The following ARHGAP8 variants were observed in gnomAD, a reference collection of about 807,000 sequenced individuals.
The protein encoded by ARHGAP8 is rho GTPase-activating protein 8.
Under a neutral mutation model 46.1 loss-of-function variants are expected in ARHGAP8, and 62 were observed. The observed-to-expected ratio is 1.34, with a 90% CI of 1.10 to 1.66. ARHGAP8 has a LOEUF of 1.66. Ranked by LOEUF, ARHGAP8 falls within the 40% of genes most tolerant of loss-of-function variation. ARHGAP8 has a pLI of 0.00. For missense variants in ARHGAP8, 923 were observed against 568.4 expected (o/e 1.62, Z -6.34); for synonymous variants, 375 against 243.1 (o/e 1.54, Z -5.05).
At chr22:44,848,169 C>A in intron 9 of ARHGAP8, 119 bp downstream of exon 9, 1 of 1,406,408 alleles carries the variant, frequency 7.1e-7, no homozygotes, top group Non-Finnish European at 9.6e-7. Context: ...TCCCAGAAAA[C>A]ACTCAGGGTG....
intron 10 of ARHGAP8, 112 bp from the exon 11 acceptor site, chr22:44,859,619 A>C: frequency 1.7e-6 from 2 of 1,166,126 alleles, no homozygotes; most frequent in Non-Finnish European, 2.5e-6. Flanking sequence ...CAAATGTGGG[A>C]TAGTCCATCC....
chr22:44,794,670 A>G (rs1209656762), intron 2 of ARHGAP8, among the ~76,000 whole-genome samples: 1 of 152,142 alleles, frequency 6.6e-6, no homozygotes, highest in Non-Finnish European at 1.5e-5. Flanking sequence ...AGATTGGGCC[A>G]CTGCACTCCA....
At chr22:44,832,661 T>A (rs1931025815) in intron 7 of ARHGAP8, among the ~76,000 whole-genome samples, 1 of 152,212 alleles carries the variant, frequency 6.6e-6, no homozygotes, top group African/African-American at 2.4e-5. Context: ...TGTGTGGATT[T>A]TTTAGAATTT....
chr22:44,852,807 T>G (rs1391398740), intron 10 of ARHGAP8, among the ~76,000 whole-genome samples: 1 of 152,106 alleles, frequency 6.6e-6, no homozygotes, highest in East Asian at 1.9e-4. Flanking sequence ...GTTTTTTGTT[T>G]GTTTGTTTTG....
rs1930444214 is a variant in ARHGAP8, at chr22:44,825,506, T to A, written c.509T>A (p.Leu170Gln). The A allele has an allele frequency of 6.2e-7, 1 of 1,613,430 alleles. No homozygotes were observed. The highest frequency in any genetic ancestry group is 8.5e-7 in the Non-Finnish European group (1 of 1,179,822). The change falls in exon 7 of 12, where the codon CTG becomes CAG. Residue 170 changes from leucine to glutamine, a missense_variant. Coordinates refer to ENST00000356099, the MANE Select transcript of ARHGAP8 (RefSeq NM_181335.3). Reference protein sequence around the residue: ...VLRYDEKLQSLHEGRTPPPTK... With the variant: ...VLRYDEKLQSQHEGRTPPPTK... ...AGGTACGATGAGAAGCTCCAGAGCC[T>A]GCACGAGGGCCGGACGCCGCCTCCC... is the stretch of plus-strand genomic sequence containing the variant.
intron 1 of ARHGAP8, among the ~76,000 whole-genome samples, chr22:44,762,863 G>T (rs538022116): frequency 6.6e-6 from 1 of 151,992 alleles, no homozygotes. Flanking sequence ...TCTCTTGACC[G>T]TACCTGAGTT....
intron 4 of ARHGAP8, among the ~76,000 whole-genome samples, chr22:44,812,784 T>C (rs1929430004): frequency 6.6e-6 from 1 of 152,218 alleles, no homozygotes; most frequent in African/African-American, 2.4e-5. Flanking sequence ...GTTCATATGA[T>C]GGCAGCCAAT....
intron 2 of ARHGAP8, among the ~76,000 whole-genome samples, chr22:44,788,865 A>G (rs1927466953): frequency 6.6e-6 from 1 of 152,228 alleles, no homozygotes; most frequent in Non-Finnish European, 1.5e-5. Context: ...GAGAACTAGT[A>G]CACTTGCCTA....
At chr22:44,833,096 C>CTTTTCTTTTCTTTTCTTTTTTTTTTTT (rs535842585) in intron 7 of ARHGAP8, among the ~76,000 whole-genome samples, 1 of 120,432 alleles carries the variant, frequency 8.3e-6, no homozygotes, top group Non-Finnish European at 1.7e-5. Flanking sequence ...CTTTTCTTTT[C>CTTTTCTTTTCTTTTCTTTTTTTTTTTT]TTTTTTTTTT....
In ARHGAP8 at chr22:44,845,251, T is replaced by C; in HGVS notation, c.597-18T>C. On this transcript the variant is annotated intron_variant, in intron 7 of 11. Transcript: ENST00000356099. ...CAAGCTCAGGTAAAAACTGCGACTT[T>C]CTTTTCTGTTTTCTCAGCCTCAAAG... 1 of 1,614,084 alleles carries C rather than the reference T, an allele frequency of 6.2e-7. No homozygotes were observed. Among genetic ancestry groups the C allele is most frequent in the Non-Finnish European group, 8.5e-7 (1 of 1,179,988 alleles).
intron 1 of ARHGAP8, among the ~76,000 whole-genome samples, chr22:44,767,387 C>A (rs983123377): frequency 2.6e-5 from 4 of 152,074 alleles, no homozygotes; most frequent in Non-Finnish European, 5.9e-5. Flanking sequence ...CTGCAGACCC[C>A]CAGCAGTCCC....
chr22:44,861,691 CCACTGG>C (rs1158177098), intron 11 of ARHGAP8, among the ~76,000 whole-genome samples: 3 of 152,192 alleles, frequency 2.0e-5, no homozygotes, highest in African/African-American at 7.2e-5. Flanking sequence ...TGGCCCCCTG[CCACTGG>C]CTGGCCACAT....
intron 11 of ARHGAP8, 125 bp downstream of exon 11, chr22:44,859,959 C>T (rs996238856): frequency 2.0e-4 from 226 of 1,116,964 alleles, no homozygotes; most frequent in Middle Eastern, 5.3e-4. Context: ...CCTCGGAATA[C>T]CACTCCCTGC....
intron 7 of ARHGAP8, among the ~76,000 whole-genome samples, chr22:44,830,825 C>T (rs571798325): frequency 1.8e-4 from 27 of 152,356 alleles, no homozygotes; most frequent in Admixed American, 1.6e-3. Flanking sequence ...AGGCGTGAGC[C>T]ACCGCGCCTG....
At chr22:44,757,594 A>C (rs1924784831) in intron 1 of ARHGAP8, among the ~76,000 whole-genome samples, 1 of 151,466 alleles carries the variant, frequency 6.6e-6, no homozygotes, top group South Asian at 2.1e-4. Context: ...CTTTCTTTTA[A>C]ATTCCTTCCA....
chr22:44,771,138 T>G (rs1192962759), intron 1 of ARHGAP8, among the ~76,000 whole-genome samples: 1 of 152,212 alleles, frequency 6.6e-6, no homozygotes, highest in East Asian at 1.9e-4. Context: ...TTTTTGTATA[T>G]TAAGTTTTTT....
chr22:44,832,728 A>G lies in ARHGAP8; in HGVS notation c.596+7135A>G, dbSNP rs564593811. On this transcript the variant is annotated intron_variant, in intron 7 of 11. Transcript: ENST00000356099. ...GAGATGGCTTTACTTCTTCCTTTTCAACCTATTGCCTTTTATTGCCTGATT... is the reference window on the plus strand; with the variant it reads ...GAGATGGCTTTACTTCTTCCTTTTCGACCTATTGCCTTTTATTGCCTGATT... Among the ~76,000 whole-genome samples the G allele has an allele frequency of 1.9e-3, 289 of 152,186 alleles. 1 individual carries two copies. The Middle Eastern group carries it at 0.034, about 18-fold the overall frequency.
chr22:44,821,178 TC>T (rs1181890059), intron 5 of ARHGAP8, among the ~76,000 whole-genome samples: 2 of 152,164 alleles, frequency 1.3e-5, no homozygotes, highest in Non-Finnish European at 2.9e-5. Context: ...ATGCCTGTAA[TC>T]CCAGCACTTT....
intron 10 of ARHGAP8, among the ~76,000 whole-genome samples, chr22:44,855,758 CA>C (rs1392428095): frequency 6.6e-6 from 1 of 152,048 alleles, no homozygotes; most frequent in Non-Finnish European, 1.5e-5. Context: ...CACAGATAGC[CA>C]AAAGAAAGAC....
Sources: gnomAD v4.1 joint callset for allele counts (sites outside exome capture counted in the v4.1 genomes callset) on GRCh38, gnomAD v4.1.1 for gene constraint, MANE v1.5 for transcripts, NCBI Gene and HGNC (gene_info 2026-07-23, HGNC 2026-07-21) for gene names.